WDPCP: variants seen among roughly 807,000 people sequenced by gnomAD.
WDPCP encodes the protein WD repeat-containing and planar cell polarity effector protein fritz homolog.
WDPCP carries 71 observed loss-of-function variants against 93.1 expected under a neutral mutation model. The ratio of observed to expected loss-of-function variants is 0.76; its 90% CI spans 0.63 to 0.93. The LOEUF (loss-of-function observed/expected upper bound fraction) is 0.93, where lower values mean the gene tolerates loss of function less well. Ranked by LOEUF, WDPCP falls within the 40% of genes least tolerant of loss-of-function variation. The pLI, the probability that WDPCP is intolerant of heterozygous loss-of-function variation, is 0.00. For synonymous variants in WDPCP, 315 were observed against 315.0 expected (o/e 1.00, Z 0.00); for missense variants, 844 against 887.4 (o/e 0.95, Z 0.62).
intron 2 of WDPCP, among the ~76,000 whole-genome samples, chr2:63,705,279 T>C (rs1041091596): frequency 2.0e-5 from 3 of 152,226 alleles, no homozygotes; most frequent in Non-Finnish European, 4.4e-5. Context: ...TTTGAAGGGT[T>C]TTTTGTGTCT....
At chr2:63,453,638 T>C (rs1698416782) in intron 6 of WDPCP, among the ~76,000 whole-genome samples, 1 of 152,128 alleles carries the variant, frequency 6.6e-6, no homozygotes, top group Non-Finnish European at 1.5e-5. Flanking sequence ...TAAAGACACA[T>C]GCACACGTAT....
chr2:63,480,166 A>G (rs184906165), intron 6 of WDPCP, among the ~76,000 whole-genome samples: 3 of 152,262 alleles, frequency 2.0e-5, no homozygotes, highest in East Asian at 3.9e-4. Context: ...ATATTTAGAT[A>G]TATACCTAAC....
At chr2:63,402,258 T>C (rs182074970) in intron 10 of WDPCP, among the ~76,000 whole-genome samples, 64 of 151,994 alleles carry the variant, frequency 4.2e-4, no homozygotes, top group African/African-American at 1.2e-3. Flanking sequence ...TAAGTGACAG[T>C]TGAACAATGA....
intron 1 of WDPCP, among the ~76,000 whole-genome samples, chr2:63,511,709 A>C (rs1702244600): frequency 6.6e-6 from 1 of 152,178 alleles, no homozygotes; most frequent in Admixed American, 6.5e-5. Context: ...AGAAAACTGA[A>C]ACTGGACCAC....
chr2:63,527,464 G>T (rs1249863120), intron 1 of WDPCP, among the ~76,000 whole-genome samples: 2 of 147,870 alleles, frequency 1.4e-5, no homozygotes, highest in African/African-American at 2.5e-5. Context: ...GTGAGAACAT[G>T]CAGTGTTTGG....
At chr2:63,615,201 G>A (rs1441210298) in intron 3 of WDPCP, among the ~76,000 whole-genome samples, 1 of 152,172 alleles carries the variant, frequency 6.6e-6, no homozygotes, top group Admixed American at 6.5e-5. Flanking sequence ...ACACAGAGGT[G>A]GAGCTTCCTG....
chr2:63,539,349 C>T (rs1046489736), intron 1 of WDPCP, among the ~76,000 whole-genome samples: 3 of 152,064 alleles, frequency 2.0e-5, no homozygotes, highest in Non-Finnish European at 4.4e-5. Context: ...ATTGCCAATG[C>T]TTCTGTAACA....
chr2:63,762,143 G>C (rs1670065404), intron 2 of WDPCP, among the ~76,000 whole-genome samples: 1 of 152,136 alleles, frequency 6.6e-6, no homozygotes, highest in Non-Finnish European at 1.5e-5. Context: ...AGTGCAAATA[G>C]CCTCAAACCA....
At chr2:63,727,841 G>C (rs761422827) in intron 2 of WDPCP, among the ~76,000 whole-genome samples, 7 of 152,070 alleles carry the variant, frequency 4.6e-5, no homozygotes, top group Non-Finnish European at 8.8e-5. Flanking sequence ...TGTGTGTAGA[G>C]GTGCTCATAA....
intron 17 of WDPCP, among the ~76,000 whole-genome samples, chr2:63,139,007 A>G (rs1670850902): frequency 6.6e-6 from 1 of 152,204 alleles, no homozygotes. Flanking sequence ...AATCTCATCC[A>G]GATCACTACA....
chr2:63,442,468 T>C (rs991842346), intron 6 of WDPCP: 4 of 152,220 alleles, frequency 2.6e-5, no homozygotes, highest in Non-Finnish European at 5.9e-5. Context: ...AATGTATGCA[T>C]GCTCTTGCCT....
intron 10 of WDPCP, among the ~76,000 whole-genome samples, chr2:63,384,721 T>TA (rs892317791): frequency 1.6e-4 from 24 of 147,192 alleles, no homozygotes; most frequent in South Asian, 6.4e-4. Context: ...ACTGTGTCTC[T>TA]AAAAAAAAAT....
chr2:63,818,012 G>T (rs1335715478), intron 1 of WDPCP, among the ~76,000 whole-genome samples: 2 of 152,092 alleles, frequency 1.3e-5, no homozygotes, highest in Non-Finnish European at 2.9e-5. Context: ...ACTATCAAAA[G>T]TCATCACATT....
chr2:63,681,503 T>C (rs995183008), intron 2 of WDPCP, among the ~76,000 whole-genome samples: 1 of 152,136 alleles, frequency 6.6e-6, no homozygotes, highest in African/African-American at 2.4e-5. Flanking sequence ...ATCTTTTGGT[T>C]TGAGTACCAG....
chr2:63,773,439 G>A (rs1670259060), intron 2 of WDPCP, among the ~76,000 whole-genome samples: 1 of 151,894 alleles, frequency 6.6e-6, no homozygotes, highest in Non-Finnish European at 1.5e-5. Context: ...TTAGAAAGCA[G>A]GGAAGGGTGA....
At chr2:63,334,019 A>T (rs1688170580) in intron 12 of WDPCP, among the ~76,000 whole-genome samples, 1 of 152,208 alleles carries the variant, frequency 6.6e-6, no homozygotes. Flanking sequence ...ATGAATTCAT[A>T]GATTGGCTTT....
chr2:63,741,177 G>A (rs1669709439), intron 2 of WDPCP, among the ~76,000 whole-genome samples: 3 of 152,136 alleles, frequency 2.0e-5, no homozygotes, highest in Non-Finnish European at 2.9e-5. Flanking sequence ...TTCTGATATT[G>A]TGCAATGTCT....
In WDPCP at chr2:63,254,970, GGTTA is replaced by G. The variant is rs1366020564; in HGVS notation, c.1915+4333_1915+4336del. ...AAGAAGTATTTATTCTGGAACGTAA[GGTTA>G]GTTTGCCATTTGAAAATCAATGCAA... On this transcript the variant is annotated intron_variant, in intron 14 of 17. Coordinates refer to ENST00000272321, the MANE Select transcript of WDPCP (RefSeq NM_015910.7). Among the ~76,000 whole-genome samples, 3 of 152,064 alleles carry G rather than the reference GGTTA, an allele frequency of 2.0e-5. No homozygotes were observed. In the East Asian group the frequency reaches 5.8e-4, roughly 29 times the overall value.
At chr2:63,573,753 G>C (rs1707716741) in intron 1 of WDPCP, among the ~76,000 whole-genome samples, 1 of 152,178 alleles carries the variant, frequency 6.6e-6, no homozygotes, top group Non-Finnish European at 1.5e-5. Flanking sequence ...AGATGGAACA[G>C]AGCCATATTC....
Sources: gnomAD v4.1 joint callset for allele counts (sites outside exome capture counted in the v4.1 genomes callset) on GRCh38, gnomAD v4.1.1 for gene constraint, MANE v1.5 for transcripts, NCBI Gene and HGNC (gene_info 2026-07-23, HGNC 2026-07-21) for gene names.